SCHIP1: variants seen among roughly 807,000 people sequenced by gnomAD.
SCHIP1 encodes the protein schwannomin-interacting protein 1.
In SCHIP1, 8 loss-of-function variants were observed where a neutral mutation model predicts 29.7. That is an observed-to-expected ratio of 0.27 (90% CI 0.16 to 0.49). The LOEUF is 0.49. Among genes scored for constraint, SCHIP1 ranks in the 20% least tolerant of loss-of-function variants. The probability of loss-of-function intolerance (pLI) is 0.99; values close to 1 mark genes in which losing one functional copy is unlikely to be tolerated. For synonymous variants in SCHIP1, 76 were observed against 94.9 expected (o/e 0.80, Z 1.16); for missense variants, 193 against 294.6 (o/e 0.66, Z 2.52).
intron 1 of SCHIP1, among the ~76,000 whole-genome samples, chr3:159,854,418 A>G (rs1043648458): frequency 2.0e-5 from 3 of 152,090 alleles, no homozygotes; most frequent in African/African-American, 7.2e-5. Context: ...TTAAGTATAT[A>G]CTGTACTTCC....
the SCHIP1 span, among the ~76,000 whole-genome samples, chr3:159,292,663 G>T: frequency 3.3e-3 from 502 of 152,298 alleles, 4 homozygotes; most frequent in African/African-American, 0.011. Context: ...ATTGTCAAGT[G>T]CTTGCAGCAA....
At chr3:159,889,823 G>A (rs1717313969) in intron 5 of SCHIP1, among the ~76,000 whole-genome samples, 1 of 152,180 alleles carries the variant, frequency 6.6e-6, no homozygotes, top group Non-Finnish European at 1.5e-5. Flanking sequence ...CTGGCCGGGC[G>A]CGGTGGCTCA....
chr3:159,649,524 T>C, the SCHIP1 span, among the ~76,000 whole-genome samples: 1 of 151,846 alleles, frequency 6.6e-6, no homozygotes, highest in African/African-American at 2.4e-5. Flanking sequence ...CAAAATGAAC[T>C]GAGAAATAAT....
chr3:159,364,557 A>C, the SCHIP1 span, among the ~76,000 whole-genome samples: 1 of 152,210 alleles, frequency 6.6e-6, no homozygotes, highest in Non-Finnish European at 1.5e-5. Context: ...ATAGCAGAAA[A>C]TATTTATAAT....
At chr3:159,790,555 A>G in the SCHIP1 span, among the ~76,000 whole-genome samples, 7 of 152,294 alleles carry the variant, frequency 4.6e-5, no homozygotes, top group African/African-American at 1.4e-4. Flanking sequence ...CCATGGTGGT[A>G]TGTACCTGTA....
intron 2 of SCHIP1, among the ~76,000 whole-genome samples, chr3:159,871,690 A>T (rs1040689736): frequency 2.0e-5 from 3 of 152,130 alleles, no homozygotes; most frequent in African/African-American, 7.2e-5. Flanking sequence ...AGGCATTTTA[A>T]ACCTGGCTGC....
At chr3:159,423,664 G>A in the SCHIP1 span, among the ~76,000 whole-genome samples, 20 of 152,100 alleles carry the variant, frequency 1.3e-4, no homozygotes, top group East Asian at 1.9e-4. Flanking sequence ...AGTAACCTCC[G>A]CAGACTTAAA....
At chr3:159,462,844 T>G in the SCHIP1 span, among the ~76,000 whole-genome samples, 5 of 152,240 alleles carry the variant, frequency 3.3e-5, no homozygotes, top group South Asian at 4.1e-4. Context: ...TGAGAAGACA[T>G]TTGCACAAGA....
the SCHIP1 span, among the ~76,000 whole-genome samples, chr3:159,310,987 C>A: frequency 1.5e-4 from 23 of 152,172 alleles, no homozygotes; most frequent in East Asian, 4.4e-3. Context: ...CTTCTACTTA[C>A]CTATTCATAG....
At chr3:159,623,129 C>T in the SCHIP1 span, among the ~76,000 whole-genome samples, 2 of 151,994 alleles carry the variant, frequency 1.3e-5, no homozygotes, top group Non-Finnish European at 2.9e-5. Flanking sequence ...GACTTACAAG[C>T]TTAATAGACT....
At chr3:159,610,768 A>G in the SCHIP1 span, among the ~76,000 whole-genome samples, 3 of 152,092 alleles carry the variant, frequency 2.0e-5, no homozygotes, top group Non-Finnish European at 2.9e-5. Flanking sequence ...CAGAGCTTGC[A>G]TGGAAGATGG....
chr3:159,337,286 C>G, the SCHIP1 span, among the ~76,000 whole-genome samples: 2 of 152,082 alleles, frequency 1.3e-5, no homozygotes, highest in Non-Finnish European at 2.9e-5. Context: ...AAAACTGGCA[C>G]AAGACAGGGA....
the SCHIP1 span, among the ~76,000 whole-genome samples, chr3:159,459,561 C>CAAA: frequency 4.6e-5 from 7 of 150,610 alleles, no homozygotes; most frequent in African/African-American, 1.7e-4. Flanking sequence ...TGCTATATAA[C>CAAA]AAAAAAAAAT....
At chr3:159,826,515 C>T in the SCHIP1 span, among the ~76,000 whole-genome samples, 962 of 152,310 alleles carry the variant, frequency 6.3e-3, 14 homozygotes, top group African/African-American at 0.022. Context: ...CGCTGGAAAT[C>T]AGAGGCCATG....
the SCHIP1 span, among the ~76,000 whole-genome samples, chr3:159,649,164 A>C: frequency 3.3e-5 from 5 of 152,064 alleles, no homozygotes; most frequent in African/African-American, 4.8e-5. Flanking sequence ...GCCCAATGTC[A>C]TTTGCTTCCA....
At chr3:159,736,450 T>C in the SCHIP1 span, among the ~76,000 whole-genome samples, 1 of 152,208 alleles carries the variant, frequency 6.6e-6, no homozygotes, top group South Asian at 2.1e-4. Flanking sequence ...CCTAGTGCAG[T>C]TGAATCTCTT....
At chr3:159,889,143 G>T (rs540487000) in intron 5 of SCHIP1, among the ~76,000 whole-genome samples, 200 bp downstream of exon 6, 124 of 152,254 alleles carry the variant, frequency 8.1e-4, no homozygotes, top group African/African-American at 3.0e-3. Context: ...AATTTTTCAA[G>T]ATTCACAATA....
At chr3:159,313,838 C>T in the SCHIP1 span, among the ~76,000 whole-genome samples, 1,230 of 152,218 alleles carry the variant, frequency 8.1e-3, 10 homozygotes, top group African/African-American at 0.028. Flanking sequence ...TTTCTATCAC[C>T]TTAACTCCTT....
At chr3:159,348,992 A>G in the SCHIP1 span, among the ~76,000 whole-genome samples, 3 of 152,324 alleles carry the variant, frequency 2.0e-5, no homozygotes, top group South Asian at 6.2e-4. Flanking sequence ...AGTCTGGCTG[A>G]GTTTTCCAGA....
Sources: gnomAD v4.1 joint callset for allele counts (sites outside exome capture counted in the v4.1 genomes callset) on GRCh38, gnomAD v4.1.1 for gene constraint, MANE v1.5 for transcripts, NCBI Gene and HGNC (gene_info 2026-07-23, HGNC 2026-07-21) for gene names.